Variants in DMXL1 observed in about 807,000 individuals in gnomAD.
DMXL1 encodes dmX-like protein 1.
Under a neutral mutation model 319.2 loss-of-function variants are expected in DMXL1, and 99 were observed. The observed-to-expected ratio is 0.31, with a 90% CI of 0.26 to 0.37. DMXL1 has a LOEUF of 0.37. Ranked by LOEUF, DMXL1 falls within the 10% of genes least tolerant of loss-of-function variation. The probability of loss-of-function intolerance (pLI) is 1.00; values close to 1 mark genes in which losing one functional copy is unlikely to be tolerated. For synonymous variants in DMXL1, 1,385 were observed against 1,235.2 expected (o/e 1.12, Z -2.54); for missense variants, 3,745 against 3,595.6 (o/e 1.04, Z -1.06).
At chr5:119,211,025 A>C (rs1289977542) in intron 34 of DMXL1, among the ~76,000 whole-genome samples, 1 of 141,956 alleles carries the variant, frequency 7.0e-6, no homozygotes, top group Non-Finnish European at 1.5e-5. Context: ...TTTTTTGCCT[A>C]CTATTGAAAT....
intron 30 of DMXL1, among the ~76,000 whole-genome samples, chr5:119,194,507 T>A (rs186897012): frequency 3.3e-5 from 5 of 149,878 alleles, no homozygotes; most frequent in African/African-American, 5.1e-5. Context: ...TCTATTGATA[T>A]GTTTACATCT....
At chr5:119,152,066 A>G (rs756159059) in intron 19 of DMXL1, 30 bp downstream of exon 19, 1 of 1,468,848 alleles carries the variant, frequency 6.8e-7, no homozygotes, top group Non-Finnish European at 9.4e-7. Context: ...ATTAAAGGGA[A>G]ATAAAGCGAG....
chr5:119,233,473 A>G lies in DMXL1; in HGVS notation c.8466+6A>G. The G allele has an allele frequency of 6.2e-7, 1 of 1,606,818 alleles. No homozygotes were observed. The highest frequency in any genetic ancestry group is 1.7e-4 in the Middle Eastern group (1 of 6,016). On this transcript the variant is annotated splice_donor_region_variant and intron_variant, in intron 39 of 43. Coordinates refer to ENST00000539542, the MANE Select transcript of DMXL1 (RefSeq NM_001290321.3). ...TTAACTATCAGGGAAATAAGGTATTATATAAAAATGTAAATGGTAAAAAAT... is the reference window on the plus strand; with the variant it reads ...TTAACTATCAGGGAAATAAGGTATTGTATAAAAATGTAAATGGTAAAAAAT...
chr5:119,155,839 A>C (rs540416505), intron 19 of DMXL1, among the ~76,000 whole-genome samples: 5 of 151,934 alleles, frequency 3.3e-5, no homozygotes, highest in Non-Finnish European at 5.9e-5. Context: ...AAAAAAAAAA[A>C]AAAAACAAAA....
At chr5:119,146,055 A>G (rs1307862870) in intron 15 of DMXL1, among the ~76,000 whole-genome samples, 1 of 151,860 alleles carries the variant, frequency 6.6e-6, no homozygotes, top group South Asian at 2.1e-4. Flanking sequence ...TCAATACAAG[A>G]TGATTTAAAA....
chr5:119,124,142 C>G (rs1762943230), intron 9 of DMXL1, among the ~76,000 whole-genome samples: 1 of 151,244 alleles, frequency 6.6e-6, no homozygotes, highest in Admixed American at 6.6e-5. Context: ...AACCCCGTCT[C>G]TACCAAAAAT....
At position 119,170,747 on chromosome 5, in the gene DMXL1, C is replaced by G. The variant is rs145920154; in HGVS notation, c.5956C>G (p.Leu1986Val). 1.6e-4 allele frequency: 253 copies of G among 1,612,350 alleles called. 2 individuals are homozygous for G. In the Admixed American group the frequency reaches 1.7e-3, roughly 11 times the overall value. ...NEDVPISMKELKPLQRKTDKK... is the reference protein window; with the variant it reads ...NEDVPISMKEVKPLQRKTDKK... ...GGATGTCCCTATTTCAATGAAAGAA[C>G]TAAAACCTTTACAGAGAAAAACAGA... Residue 1986 changes from leucine (L) to valine (V), a missense_variant, in exon 24 of 44, where the codon CTA becomes GTA. Around this residue, in one of 4 missense-constraint regions of DMXL1, gnomAD observed 1,382 missense variants for 1,269.5 expected, o/e 1.09. Transcript: ENST00000539542.
At chr5:119,118,425 A>C (rs1761312790) in intron 7 of DMXL1, among the ~76,000 whole-genome samples, 1 of 152,190 alleles carries the variant, frequency 6.6e-6, no homozygotes, top group Non-Finnish European at 1.5e-5. Flanking sequence ...GCTTAATCTC[A>C]GTCTTTGTTT....
intron 13 of DMXL1, among the ~76,000 whole-genome samples, chr5:119,142,759 C>T (rs1767691374): frequency 6.6e-6 from 1 of 151,972 alleles, no homozygotes; most frequent in Admixed American, 6.6e-5. Context: ...CAGCATTATT[C>T]ACAATAGCAA....
At chr5:119,105,327 T>G (rs1758097217) in intron 4 of DMXL1, 69 bp downstream of exon 4, 1 of 1,257,416 alleles carries the variant, frequency 8.0e-7, no homozygotes, top group South Asian at 1.2e-5. Flanking sequence ...TTTATTACTC[T>G]TATGTATTTC....
chr5:119,107,487 T>C (rs1286945792), intron 4 of DMXL1, among the ~76,000 whole-genome samples: 1 of 152,230 alleles, frequency 6.6e-6, no homozygotes, highest in Non-Finnish European at 1.5e-5. Context: ...TGTTTTAGAC[T>C]TTTTATGCTT....
At chr5:119,192,590 T>C (rs915485541) in intron 29 of DMXL1, among the ~76,000 whole-genome samples, 2 of 152,226 alleles carry the variant, frequency 1.3e-5, no homozygotes, top group African/African-American at 4.8e-5. Context: ...TCACGTGATA[T>C]CCATGTCAAA....
chr5:119,232,540 A>G (rs191399738), intron 38 of DMXL1, among the ~76,000 whole-genome samples: 51 of 152,288 alleles, frequency 3.3e-4, no homozygotes, highest in Admixed American at 1.3e-4. Flanking sequence ...TCTACTCACA[A>G]CTGTCCAGTG....
intron 32 of DMXL1, among the ~76,000 whole-genome samples, chr5:119,201,186 A>G (rs894868755): frequency 1.3e-5 from 2 of 152,134 alleles, no homozygotes; most frequent in East Asian, 1.9e-4. Context: ...CCCATTCAGT[A>G]TGATGTTGGC....
At chr5:119,183,747 C>T (rs960520385) in intron 28 of DMXL1, among the ~76,000 whole-genome samples, 2 of 152,128 alleles carry the variant, frequency 1.3e-5, no homozygotes, top group Non-Finnish European at 2.9e-5. Context: ...GTGTGAGCCA[C>T]CACGCCTGGC....
At chr5:119,171,689 G>T in intron 24 of DMXL1, 89 bp from the exon 25 acceptor site, 2 of 989,590 alleles carry the variant, frequency 2.0e-6, no homozygotes, top group South Asian at 2.2e-5. Context: ...TAATTGTTTT[G>T]AAGTGTTTTA....
intron 34 of DMXL1, among the ~76,000 whole-genome samples, chr5:119,210,562 C>T (rs532660141): frequency 1.1e-4 from 16 of 152,134 alleles, no homozygotes; most frequent in African/African-American, 3.9e-4. Context: ...ACTAAACTAC[C>T]TCTTTCACCT....
chr5:119,142,065 A>G (rs1291173323), intron 13 of DMXL1, among the ~76,000 whole-genome samples: 1 of 152,192 alleles, frequency 6.6e-6, no homozygotes, highest in Non-Finnish European at 1.5e-5. Context: ...CCATATGTAG[A>G]AAATTGAAAC....
At chr5:119,135,612 T>C (rs1279577147) in intron 13 of DMXL1, among the ~76,000 whole-genome samples, 4 of 152,062 alleles carry the variant, frequency 2.6e-5, no homozygotes, top group African/African-American at 9.7e-5. Flanking sequence ...TGGGAGGTGA[T>C]TGGATCATGG....
Sources: allele counts gnomAD v4.1 joint callset (sites outside exome capture counted in the v4.1 genomes callset), GRCh38; gene constraint gnomAD v4.1.1; regional missense constraint gnomAD v4.1.1; transcripts MANE v1.5; gene names NCBI Gene and HGNC (gene_info 2026-07-23, HGNC 2026-07-21).